Variants in CPT1A observed in about 807,000 individuals in gnomAD.
The protein encoded by CPT1A is carnitine palmitoyltransferase 1A, also known as carnitine O-palmitoyltransferase 1, liver isoform.
A neutral mutation model predicts 100.8 loss-of-function variants in CPT1A; 64 were observed. The ratio of observed to expected loss-of-function variants is 0.63; its 90% CI spans 0.52 to 0.78. The LOEUF (loss-of-function observed/expected upper bound fraction) is 0.78. CPT1A is among the 30% of genes least tolerant of loss of function. The pLI is 0.00. For missense variants in CPT1A, 802 were observed against 1,034.1 expected, an observed-to-expected ratio of 0.78 and a Z score of 3.08; for synonymous variants, 363 against 396.0, an observed-to-expected ratio of 0.92 and a Z score of 0.99.
intron 1 of CPT1A, among the ~76,000 whole-genome samples, chr11:68,816,755 C>CGTGTGT (rs5792452): frequency 0.024 from 3,433 of 145,134 alleles, 114 homozygotes; most frequent in African/African-American, 0.081. Context: ...TCCAAAAACT[C>CGTGTGT]GTGTGTGTGT....
At chr11:68,843,478 G>A (rs75308404), upstream of CPT1A, among the ~76,000 whole-genome samples, 1 of 152,040 alleles carries the variant, frequency 6.6e-6, no homozygotes, top group Non-Finnish European at 1.5e-5. This position sits in a 1 kb window ranked among gnomAD's most constrained non-coding sequence, Gnocchi z 4.0. Flanking sequence ...AACCAGGCAC[G>A]TGCGACATTT....
intron 8 of CPT1A, among the ~76,000 whole-genome samples, chr11:68,794,527 C>T (rs988306336): frequency 1.3e-5 from 2 of 152,172 alleles, no homozygotes; most frequent in Non-Finnish European, 2.9e-5. Flanking sequence ...TCTCCTGCAT[C>T]GGCCTCCCGA....
At chr11:68,831,394 T>C (rs921229301) in intron 1 of CPT1A, among the ~76,000 whole-genome samples, 6 of 152,180 alleles carry the variant, frequency 3.9e-5, no homozygotes, top group African/African-American at 1.4e-4. Flanking sequence ...AATGGAGATA[T>C]GGGACTTGCC....
At position 68,775,409 on chromosome 11, in the gene CPT1A, G is replaced by T. The variant is rs1182442898; in HGVS notation, c.1482C>A (p.Leu494=). The change falls in exon 13 of 19, where the codon CTC becomes CTA. Residue 494 remains leucine, a synonymous_variant. Coordinates refer to ENST00000265641, the MANE Select transcript of CPT1A (RefSeq NM_001876.4). ...LWEYVMSIDS[L]QLGYAEDGHC... is the part of the protein sequence containing the mutation. ...GCCCATCCTCCGCATAGCCCAGCTG[G>T]AGGCTGTCAATGGACATGACGTACT... 1 of 1,614,184 alleles carries T rather than the reference G, an allele frequency of 6.2e-7. No homozygotes were observed. Among genetic ancestry groups the T allele is most frequent in the Non-Finnish European group, 8.5e-7 (1 of 1,179,980 alleles).
In CPT1A at chr11:68,772,792, CAAG is replaced by C. The variant is rs78112298; in HGVS notation, c.1740+470_1740+472del. Among the ~76,000 whole-genome samples, 5 of 152,142 alleles carry C rather than the reference CAAG, an allele frequency of 3.3e-5. No homozygotes were observed. The East Asian group carries it at 9.7e-4, about 29-fold the overall frequency. On this transcript the variant is annotated intron_variant, in intron 14 of 18. Transcript: ENST00000265641. ...GGATTAAGCTGAAAGCTAAGTCATG[CAAG>C]AAGCTTTTTATTTTGTTCCCAAGCA...
chr11:68,788,889 ATGCCAGTAAGAC>A (rs1225700046), intron 9 of CPT1A, among the ~76,000 whole-genome samples: 1 of 152,192 alleles, frequency 6.6e-6, no homozygotes, highest in African/African-American at 2.4e-5. Context: ...TAATTTGTCC[ATGCCAGTAAGAC>A]TGGAAATGTC....
rs1267419385 is a variant in CPT1A, at chr11:68,815,489, T to C, written c.-13-2A>G. The C allele has an allele frequency of 6.2e-7, 1 of 1,613,846 alleles. No homozygotes were observed. The highest frequency in any genetic ancestry group is 2.2e-5 in the East Asian group (1 of 44,886). ...GCTTCTGCCATCTTCAGAGAGTACC[T>C]GGAAGGAGAAGGAGAAAATGTAACA... is the stretch of plus-strand genomic sequence containing the variant. On this transcript the variant is annotated splice_acceptor_variant, in intron 1 of 18. Coordinates refer to ENST00000265641, the MANE Select transcript of CPT1A (RefSeq NM_001876.4). LOFTEE classifies it low-confidence loss of function (5UTR_SPLICE).
At chr11:68,838,571 T>TAAAAAAAAAAAAAA (rs1177976460) in intron 1 of CPT1A, among the ~76,000 whole-genome samples, 833 of 74,204 alleles carry the variant, frequency 0.011, 255 homozygotes, top group South Asian at 0.015. Flanking sequence ...CTGCACCTTT[T>TAAAAAAAAAAAAAA]TAAAAAAAAA....
intron 16 of CPT1A, among the ~76,000 whole-genome samples, chr11:68,760,866 A>C (rs368667507): frequency 3.8e-4 from 56 of 149,180 alleles, no homozygotes; most frequent in African/African-American, 1.4e-3. Context: ...ACAACAACAA[A>C]AAAAATTAGC....
chr11:68,754,759 A>AT, downstream of CPT1A: 1 of 777,610 alleles, frequency 1.3e-6, no homozygotes, highest in South Asian at 1.4e-5. Context: ...GAACTTGGTG[A>AT]TGTCCATGGT....
intron 9 of CPT1A, among the ~76,000 whole-genome samples, chr11:68,786,205 T>C (rs917183974): frequency 1.3e-5 from 2 of 151,960 alleles, no homozygotes; most frequent in African/African-American, 4.8e-5. Flanking sequence ...CTACAAAAAA[T>C]ACAAAAATTA....
Position 68,796,837 on chromosome 11 carries a change from C to T in CPT1A, c.771+19G>A, listed in dbSNP as rs1349769783. 1.9e-6 allele frequency: 3 copies of T among 1,612,576 alleles called. No homozygotes were observed. Among genetic ancestry groups the T allele is most frequent in the African/African-American group, 1.3e-5 (1 of 74,852 alleles). On this transcript the variant is annotated intron_variant, in intron 7 of 18. Coordinates refer to ENST00000265641, the MANE Select transcript of CPT1A (RefSeq NM_001876.4). ...CCCCACCGTCCTCGTCAGACAGCAG[C>T]CCGGGCGGGTGGACTCACCATGGCA... is the stretch of plus-strand genomic sequence containing the variant.
chr11:68,812,817 TC>T (rs1856255879), intron 2 of CPT1A, among the ~76,000 whole-genome samples: 2 of 151,586 alleles, frequency 1.3e-5, no homozygotes, highest in African/African-American at 4.9e-5. Flanking sequence ...CCTGAAAGCT[TC>T]CCCAAGAGTC....
intron 5 of CPT1A, among the ~76,000 whole-genome samples, chr11:68,801,277 C>T (rs1855898259): frequency 6.6e-6 from 1 of 152,174 alleles, no homozygotes; most frequent in African/African-American, 2.4e-5. Context: ...TCACCCCATC[C>T]TGCCAGTGGA....
At chr11:68,774,424 CA>C (rs1486214055) in intron 13 of CPT1A, among the ~76,000 whole-genome samples, 10 of 151,842 alleles carry the variant, frequency 6.6e-5, no homozygotes, top group African/African-American at 2.4e-4. Flanking sequence ...TCAAGAAACA[CA>C]TTTTTTTACT....
At chr11:68,836,283 C>T (rs577540650) in intron 1 of CPT1A, among the ~76,000 whole-genome samples, 1 of 152,236 alleles carries the variant, frequency 6.6e-6, no homozygotes, top group African/African-American at 2.4e-5. Context: ...CAAGACCAGC[C>T]TGGGCAACAT....
intron 3 of CPT1A, among the ~76,000 whole-genome samples, chr11:68,811,828 G>T (rs937910124): frequency 3.3e-5 from 5 of 151,840 alleles, no homozygotes; most frequent in Non-Finnish European, 7.4e-5. Context: ...GGCGGCAGGT[G>T]GTTAGAAAAA....
chr11:68,785,538 G>C (rs1161374422), intron 9 of CPT1A, among the ~76,000 whole-genome samples: 2 of 141,188 alleles, frequency 1.4e-5, no homozygotes, highest in East Asian at 4.3e-4. Context: ...TCCAGCCTGG[G>C]TAACAGAGTG....
chr11:68,805,381 G>C (rs964328308), intron 4 of CPT1A, among the ~76,000 whole-genome samples: 2 of 152,038 alleles, frequency 1.3e-5, no homozygotes, highest in African/African-American at 4.8e-5. Context: ...AGCCCGGGAG[G>C]CGGAGGTTGT....
Sources: allele counts gnomAD v4.1 joint callset (sites outside exome capture counted in the v4.1 genomes callset), GRCh38; gene constraint gnomAD v4.1.1; non-coding constraint Gnocchi (gnomAD v3.1); transcripts MANE v1.5; gene names NCBI Gene and HGNC (gene_info 2026-07-23, HGNC 2026-07-21).